Variants in CTSZ observed in about 807,000 individuals in gnomAD.
The protein encoded by CTSZ is cathepsin Z, also known as carboxypeptidase LB.
Under a neutral mutation model 32.4 loss-of-function variants are expected in CTSZ, and 39 were observed. The ratio of observed to expected loss-of-function variants is 1.20; its 90% CI spans 0.93 to 1.57. The LOEUF (loss-of-function observed/expected upper bound fraction) is 1.57, where lower values mean the gene tolerates loss of function less well. Among genes scored for constraint, CTSZ ranks in the 40% most tolerant of loss-of-function variants. The pLI, the probability that CTSZ is intolerant of heterozygous loss-of-function variation, is 0.00. For missense variants in CTSZ, 397 were observed against 419.6 expected (o/e 0.95, Z 0.47); for synonymous variants, 168 against 170.1 (o/e 0.99, Z 0.10).
intron 5 of CTSZ, among the ~76,000 whole-genome samples, chr20:58,996,227 G>A (rs2091859197): frequency 6.6e-6 from 1 of 152,118 alleles, no homozygotes; most frequent in Non-Finnish European, 1.5e-5. Flanking sequence ...TTGAAAAACC[G>A]ACACAGTATT....
intron 3 of CTSZ, among the ~76,000 whole-genome samples, chr20:59,001,017 C>A (rs768483831): frequency 6.6e-6 from 1 of 151,948 alleles, no homozygotes; most frequent in African/African-American, 2.4e-5. Context: ...TTGGTAGGGA[C>A]GGGATTTCAC....
intron 2 of CTSZ, 120 bp downstream of exon 2, chr20:59,006,202 G>T: frequency 7.4e-7 from 1 of 1,347,092 alleles, no homozygotes; most frequent in Non-Finnish European, 9.9e-7. Flanking sequence ...TAGCACCCCA[G>T]CCCAGGCTGA....
At chr20:58,996,476 T>G (rs1601222471) in intron 5 of CTSZ, 163 bp downstream of exon 5, 3 of 713,680 alleles carry the variant, frequency 4.2e-6, no homozygotes, top group Non-Finnish European at 4.8e-6. Flanking sequence ...CAGAGAAGGG[T>G]CTGGCCCCAA....
chr20:59,006,997 C>T lies in CTSZ; in HGVS notation c.132G>A (p.Pro44=). 1 of 1,461,568 alleles carries T rather than the reference C, an allele frequency of 6.8e-7. No individual in the cohort carries two copies. The highest frequency in any genetic ancestry group is 1.3e-5 in the South Asian group (1 of 76,152). The allele number at this position is 1,461,568 out of a possible 1,614,324, so 90.5% of individuals were successfully genotyped here. The stretch of plus-strand genomic sequence containing the variant: ...CCGCCGGTGCCCACCTGCGCCCCAG[C>T]GGAGCCAGCCCGTCCCCCCGCAGAG... ...YRPLRGDGLA[P]LGRSTYPRPH... Residue 44 remains proline (P), a synonymous_variant, in exon 1 of 6, where the codon CCG becomes CCA. Transcript: ENST00000217131.
chr20:58,995,258 A>G lies in CTSZ; in HGVS notation c.*391T>C. ...TGCCAACTCCCTCCCTCCCTCCCCC[A>G]CCCTTGATTCTAAAGTGACATAAGA... On this transcript the variant is annotated 3_prime_UTR_variant, in exon 6 of 6. Coordinates refer to ENST00000217131, the MANE Select transcript of CTSZ (RefSeq NM_001336.4). 1.6e-5 allele frequency: 1 copy of G among 64,212 alleles called. No homozygotes were observed. The allele number at this position is 64,212 out of a possible 1,614,324, so 4.0% of individuals were successfully genotyped here. A position where few individuals can be genotyped will look rare whatever the true frequency, so the allele number is the denominator to read the frequency against.
At chr20:58,996,968 G>A (rs529739774) in intron 4 of CTSZ, among the ~76,000 whole-genome samples, 167 bp from the exon 5 acceptor site, 1 of 152,174 alleles carries the variant, frequency 6.6e-6, no homozygotes, top group East Asian at 1.9e-4. Context: ...ACCAGCCTGG[G>A]CAAGATGGCG....
At chr20:59,000,409 C>T (rs2091884034) in intron 3 of CTSZ, among the ~76,000 whole-genome samples, 1 of 152,328 alleles carries the variant, frequency 6.6e-6, no homozygotes, top group African/African-American at 2.4e-5. Context: ...ACAAAACCTA[C>T]CAATTATGGG....
Position 58,995,602 on chromosome 20 carries a change from A to T in CTSZ, c.*47T>A. 1 of 1,558,806 alleles carries T rather than the reference A, an allele frequency of 6.4e-7. No individual in the cohort carries two copies. Among genetic ancestry groups the T allele is most frequent in the South Asian group, 1.1e-5 (1 of 89,758 alleles). On this transcript the variant is annotated 3_prime_UTR_variant, in exon 6 of 6. Transcript: ENST00000217131. ...CATAACCATAGGATCCCCTCTGGTC[A>T]TGGGTCACCATGCCTTTTCTTAAAC...
At chr20:59,005,215 G>A (rs770223059) in intron 2 of CTSZ, among the ~76,000 whole-genome samples, 7 of 152,228 alleles carry the variant, frequency 4.6e-5, no homozygotes, top group East Asian at 1.9e-4. Flanking sequence ...TCCAGCCCCC[G>A]GGGGAGACGC....
intron 2 of CTSZ, among the ~76,000 whole-genome samples, chr20:59,003,213 C>T (rs117124975): frequency 0.025 from 3,735 of 152,320 alleles, 55 homozygotes; most frequent in Non-Finnish European, 0.036. Context: ...CTTCTATGCC[C>T]AACCCAACCC....
Position 58,995,596 on chromosome 20 carries a change from C to T in CTSZ, c.*53G>A. The T allele has an allele frequency of 1.1e-5, 16 of 1,515,432 alleles. No individual in the cohort carries two copies. Among genetic ancestry groups the T allele is most frequent in the Non-Finnish European group, 1.3e-5 (14 of 1,091,466 alleles). The allele number at this position is 1,515,432 out of a possible 1,614,324, so 93.9% of individuals were successfully genotyped here. On this transcript the variant is annotated 3_prime_UTR_variant, in exon 6 of 6. Coordinates refer to ENST00000217131, the MANE Select transcript of CTSZ (RefSeq NM_001336.4). ...GGCACACATAACCATAGGATCCCCT[C>T]TGGTCATGGGTCACCATGCCTTTTC...
chr20:59,003,209 TG>T (rs1356873624), intron 2 of CTSZ, among the ~76,000 whole-genome samples: 1 of 152,194 alleles, frequency 6.6e-6, no homozygotes, highest in Non-Finnish European at 1.5e-5. Context: ...TATCCTTCTA[TG>T]CCCAACCCAA....
rs764111209 is a variant in CTSZ, at chr20:59,001,505, G to T, written c.447C>A (p.Ile149=). The T allele has an allele frequency of 1.2e-6, 2 of 1,613,868 alleles. No homozygotes were observed. The highest frequency in any genetic ancestry group is 2.7e-5 in the African/African-American group (2 of 74,942). ...GGTAGTTGTTGCAGGTCTCGTCAGG[G>T]ATGCCGTGCTGGTGGGCGTAGTCCC... ...SVWDYAHQHG[I]PDETCNNYQA... The change falls in exon 3 of 6, where the codon ATC becomes ATA. Residue 149 remains isoleucine, a synonymous_variant. Transcript: ENST00000217131.
In CTSZ at chr20:59,006,493, G is replaced by C; in HGVS notation, c.144-8C>G. On this transcript the variant is annotated splice_region_variant and splice_polypyrimidine_tract_variant and intron_variant, in intron 1 of 5. Transcript: ENST00000217131. ...TGAGGCCGGGGGTATGTGCTGAGAA[G>C]AGATCATCCCCACCCAGATCGGTGC... The C allele has an allele frequency of 6.2e-7, 1 of 1,608,884 alleles. No homozygotes were observed. The highest frequency in any genetic ancestry group is 8.5e-7 in the Non-Finnish European group (1 of 1,178,400).
intron 5 of CTSZ, 108 bp from the exon 6 acceptor site, chr20:58,995,867 C>G (rs2091856994): frequency 3.3e-6 from 3 of 920,166 alleles, no homozygotes; most frequent in Admixed American, 4.0e-5. Context: ...TCAGGCCAGC[C>G]TTGGGGGATC....
At chr20:58,999,191 G>A (rs1041068262) in intron 3 of CTSZ, among the ~76,000 whole-genome samples, 1 of 151,904 alleles carries the variant, frequency 6.6e-6, no homozygotes, top group Non-Finnish European at 1.5e-5. Flanking sequence ...GCATGCCACC[G>A]CGCTCGGCTA....
At chr20:59,003,082 C>T (rs1010882573) in intron 2 of CTSZ, among the ~76,000 whole-genome samples, 4 of 152,218 alleles carry the variant, frequency 2.6e-5, no homozygotes, top group African/African-American at 9.7e-5. Context: ...CCGAGCTGAC[C>T]ACTCTCCGGC....
At chr20:59,006,077 C>G (rs2091907613) in intron 2 of CTSZ, 2 of 527,136 alleles carry the variant, frequency 3.8e-6, no homozygotes, top group South Asian at 5.6e-5. Context: ...GAGAGGGCAC[C>G]TGGCAGCCAC....
At chr20:59,001,978 G>A (rs2091891701) in intron 2 of CTSZ, among the ~76,000 whole-genome samples, 1 of 152,262 alleles carries the variant, frequency 6.6e-6, no homozygotes, top group Non-Finnish European at 1.5e-5. Context: ...ATGAAGGGCT[G>A]AATGGACAGA....
Sources: gnomAD v4.1 joint callset for allele counts (sites outside exome capture counted in the v4.1 genomes callset) on GRCh38, gnomAD v4.1.1 for gene constraint, MANE v1.5 for transcripts, NCBI Gene and HGNC (gene_info 2026-07-23, HGNC 2026-07-21) for gene names.